Variants in TMEM108 observed in about 807,000 individuals in gnomAD.
The protein encoded by TMEM108 is cancer/testis antigen 124.
Under a neutral mutation model 35.1 loss-of-function variants are expected in TMEM108, and 12 were observed. The ratio of observed to expected loss-of-function variants is 0.34; its 90% CI spans 0.22 to 0.55. The LOEUF (loss-of-function observed/expected upper bound fraction) is 0.55. Among genes scored for constraint, TMEM108 ranks in the 20% least tolerant of loss-of-function variants. The pLI, the probability that TMEM108 is intolerant of heterozygous loss-of-function variation, is 0.89. For synonymous variants in TMEM108, 287 were observed against 308.6 expected (o/e 0.93, Z 0.73); for missense variants, 680 against 753.3 (o/e 0.90, Z 1.14).
rs188061497 is a variant in TMEM108 at position 133,311,167 on chromosome 3, C to T, written c.41-68585C>T. Reference sequence around the variant, plus strand: ...TTCACATTTTTTCCTTCATTTCCACCTTAGTGAATCTGACAATTATGTGTC... The same window carrying T: ...TTCACATTTTTTCCTTCATTTCCACTTTAGTGAATCTGACAATTATGTGTC... On this transcript the variant is annotated intron_variant, in intron 3 of 5. Transcript: ENST00000321871. Among the ~76,000 whole-genome samples the T allele has an allele frequency of 2.8e-4, 43 of 152,284 alleles. No individual in the cohort carries two copies. In the East Asian group the frequency reaches 8.3e-3, roughly 29 times the overall value.
At chr3:133,187,987 T>C (rs1945446464) in intron 2 of TMEM108, among the ~76,000 whole-genome samples, 1 of 152,078 alleles carries the variant, frequency 6.6e-6, no homozygotes, top group Non-Finnish European at 1.5e-5. Flanking sequence ...AGGCTGTCTT[T>C]TAGAGTTAAT....
rs556485092 is a variant in TMEM108, at chr3:133,388,177, C to T, written c.1451-2003C>T. ...TTTCCCACTTCCCAGATGGTTCCCT[C>T]TTTATGGCTTCTGTCACACCAGCTA... is the stretch of plus-strand genomic sequence containing the variant. On this transcript the variant is annotated intron_variant, in intron 4 of 5. Coordinates refer to ENST00000321871, the MANE Select transcript of TMEM108 (RefSeq NM_023943.4). 1.9e-4 allele frequency: 191 copies of T among 985,502 alleles called. No individual in the cohort carries two copies. In the South Asian group the frequency reaches 6.9e-3, roughly 35 times the overall value. The allele number at this position is 985,502 out of a possible 1,614,324, so 61.0% of individuals were successfully genotyped here.
intron 2 of TMEM108, among the ~76,000 whole-genome samples, chr3:133,228,971 G>C (rs1014468633): frequency 6.6e-6 from 1 of 152,162 alleles, no homozygotes; most frequent in African/African-American, 2.4e-5. Context: ...TGTGATTACA[G>C]AGATTCATGA....
At chr3:133,305,071 G>A (rs999302044) in intron 3 of TMEM108, among the ~76,000 whole-genome samples, 4 of 152,026 alleles carry the variant, frequency 2.6e-5, no homozygotes, top group Admixed American at 6.5e-5. Flanking sequence ...GCAACAGAGC[G>A]AGACTCTGAT....
chr3:133,040,858 C>T (rs554957635), intron 1 of TMEM108, among the ~76,000 whole-genome samples: 1 of 152,310 alleles, frequency 6.6e-6, no homozygotes, highest in South Asian at 2.1e-4. Context: ...TCGTTTCTGT[C>T]CCCTGGGTCA....
chr3:133,302,685 G>A (rs1241686926), intron 3 of TMEM108, among the ~76,000 whole-genome samples: 2 of 152,064 alleles, frequency 1.3e-5, no homozygotes, highest in African/African-American at 4.8e-5. Context: ...CTCCCAAAGT[G>A]CTGGGATTAC....
intron 2 of TMEM108, among the ~76,000 whole-genome samples, chr3:133,083,177 C>G (rs1214232916): frequency 1.1e-4 from 15 of 132,684 alleles, no homozygotes; most frequent in Admixed American, 3.8e-4. Context: ...AAAGCCCCCC[C>G]CCACCCCCCG....
intron 2 of TMEM108, among the ~76,000 whole-genome samples, chr3:133,159,849 T>A (rs1229699896): frequency 6.6e-6 from 1 of 152,228 alleles, no homozygotes; most frequent in Non-Finnish European, 1.5e-5. Context: ...TTTTCACTTT[T>A]TCTGAAATTT....
chr3:133,050,650 C>G (rs867936834), intron 2 of TMEM108, among the ~76,000 whole-genome samples: 6 of 152,026 alleles, frequency 3.9e-5, no homozygotes, highest in South Asian at 2.1e-4. Flanking sequence ...ATCCTTCATG[C>G]TCTGCCTTTT....
intron 2 of TMEM108, among the ~76,000 whole-genome samples, chr3:133,206,616 G>A (rs1945758469): frequency 1.3e-5 from 2 of 152,166 alleles, no homozygotes. Flanking sequence ...CTTTGCCTGG[G>A]TATCACCAGC....
At chr3:133,285,463 T>C (rs879901533) in intron 3 of TMEM108, among the ~76,000 whole-genome samples, 2 of 152,198 alleles carry the variant, frequency 1.3e-5, no homozygotes, top group Non-Finnish European at 2.9e-5. Flanking sequence ...TCTAGAATTA[T>C]GTCTTTAAAT....
intron 2 of TMEM108, among the ~76,000 whole-genome samples, chr3:133,148,558 T>G (rs1327368880): frequency 6.6e-6 from 1 of 152,188 alleles, no homozygotes; most frequent in African/African-American, 2.4e-5. Flanking sequence ...AAGTCCAAGA[T>G]TTCACTGAAA....
At chr3:133,196,881 C>A (rs1406629523) in intron 2 of TMEM108, among the ~76,000 whole-genome samples, 1 of 152,120 alleles carries the variant, frequency 6.6e-6, no homozygotes, top group South Asian at 2.1e-4. Flanking sequence ...CTGGAAATCC[C>A]GGGTAGACTT....
At chr3:133,136,425 G>A (rs111231304) in intron 2 of TMEM108, among the ~76,000 whole-genome samples, 97 of 152,328 alleles carry the variant, frequency 6.4e-4, no homozygotes, top group African/African-American at 2.3e-3. Context: ...GCTCTTTTTA[G>A]CTAGCAAGAT....
intron 3 of TMEM108, among the ~76,000 whole-genome samples, chr3:133,296,301 C>T (rs960663035): frequency 2.6e-5 from 4 of 152,134 alleles, no homozygotes; most frequent in Non-Finnish European, 4.4e-5. Context: ...GGAGTATCTG[C>T]CCCCAGAGCC....
At chr3:133,352,285 A>C (rs1339168781) in intron 3 of TMEM108, among the ~76,000 whole-genome samples, 2 of 152,154 alleles carry the variant, frequency 1.3e-5, no homozygotes, top group Non-Finnish European at 2.9e-5. Flanking sequence ...ACTAGATAGG[A>C]AAAACCAAAC....
Position 133,381,067 on chromosome 3 carries a change from G to A in TMEM108, c.1356G>A (p.Glu452=). 1.2e-6 allele frequency: 2 copies of A among 1,614,218 alleles called. No homozygotes were observed. The highest frequency in any genetic ancestry group is 1.7e-6 in the Non-Finnish European group (2 of 1,180,036). ...GTAGNISHVA[E]GDKPQHRATI... ...CAGGGAACATCTCCCATGTGGCCGAGGGGGACAAACCGCAGCACAGAGCCA... is the reference window on the plus strand; with the variant it reads ...CAGGGAACATCTCCCATGTGGCCGAAGGGGACAAACCGCAGCACAGAGCCA... The change falls in exon 4 of 6, where the codon GAG becomes GAA. Residue 452 remains glutamate, a synonymous_variant. Transcript: ENST00000321871.
chr3:133,292,020 G>A (rs1947076694), intron 3 of TMEM108, among the ~76,000 whole-genome samples: 1 of 152,132 alleles, frequency 6.6e-6, no homozygotes, highest in Admixed American at 6.5e-5. Flanking sequence ...TTGATAACAA[G>A]AGAAATCTAG....
chr3:133,327,103 G>A (rs1419543212), intron 3 of TMEM108, among the ~76,000 whole-genome samples: 2 of 152,138 alleles, frequency 1.3e-5, no homozygotes, highest in African/African-American at 4.8e-5. Context: ...GCCACAAGAA[G>A]GGTGCCTTTG....
Sources: allele counts gnomAD v4.1 joint callset (sites outside exome capture counted in the v4.1 genomes callset), GRCh38; gene constraint gnomAD v4.1.1; transcripts MANE v1.5; gene names NCBI Gene and HGNC (gene_info 2026-07-23, HGNC 2026-07-21).